OPCML: variants seen among roughly 807,000 people sequenced by gnomAD.
OPCML encodes opioid binding protein/cell adhesion molecule like.
Under a neutral mutation model 37.8 loss-of-function variants are expected in OPCML, and 13 were observed. That is an observed-to-expected ratio of 0.34 (90% CI 0.22 to 0.55). OPCML has a LOEUF of 0.55. Ranked by LOEUF, OPCML falls within the 20% of genes least tolerant of loss-of-function variation. OPCML has a pLI of 0.91. For synonymous variants in OPCML, 176 were observed against 168.8 expected (o/e 1.04, Z -0.33); for missense variants, 341 against 435.6 (o/e 0.78, Z 1.93).
chr11:133,492,251 G>T (rs191180867), intron 1 of OPCML, among the ~76,000 whole-genome samples: 1 of 152,168 alleles, frequency 6.6e-6, no homozygotes, highest in East Asian at 1.9e-4. Context: ...CCTCCCCACC[G>T]CACTGGGTCC....
intron 1 of OPCML, among the ~76,000 whole-genome samples, chr11:133,056,818 G>A (rs1948248026): frequency 6.6e-6 from 1 of 152,148 alleles, no homozygotes; most frequent in Non-Finnish European, 1.5e-5. Flanking sequence ...CTCGAGGGGA[G>A]AGACATTAGG....
At chr11:132,613,487 T>C (rs1938793467) in intron 3 of OPCML, among the ~76,000 whole-genome samples, 1 of 152,178 alleles carries the variant, frequency 6.6e-6, no homozygotes, top group South Asian at 2.1e-4. Context: ...GCATTCACCT[T>C]TAGGAGAATT....
intron 1 of OPCML, among the ~76,000 whole-genome samples, chr11:133,130,257 T>C (rs933368155): frequency 1.3e-5 from 2 of 151,348 alleles, no homozygotes; most frequent in African/African-American, 4.9e-5. Flanking sequence ...AAATGAAGCA[T>C]AGAAGAAAAT....
chr11:133,481,942 G>A (rs1279601354), intron 1 of OPCML, among the ~76,000 whole-genome samples: 1 of 152,156 alleles, frequency 6.6e-6, no homozygotes, highest in Non-Finnish European at 1.5e-5. Flanking sequence ...GAAACCTGAG[G>A]TCAGAAACCT....
intron 1 of OPCML, among the ~76,000 whole-genome samples, chr11:133,482,192 A>G (rs1348866735): frequency 6.6e-6 from 1 of 152,152 alleles, no homozygotes; most frequent in African/African-American, 2.4e-5. Flanking sequence ...ATATAGATCA[A>G]TGGTGGTGAG....
intron 4 of OPCML, among the ~76,000 whole-genome samples, chr11:132,479,823 A>G (rs2096172628): frequency 6.6e-6 from 1 of 152,290 alleles, no homozygotes; most frequent in South Asian, 2.1e-4. Flanking sequence ...TCCTGTTAGA[A>G]GGAAAACTAA....
At position 133,212,798 on chromosome 11, in the gene OPCML, C is replaced by T. The variant is rs560412702; in HGVS notation, c.62-269788G>A. On this transcript the variant is annotated intron_variant, in intron 1 of 7. Transcript: ENST00000524381. This position sits in a 1 kb window ranked among gnomAD's most constrained non-coding sequence, Gnocchi z 4.9. ...TCAGACCCCTTGGGACCCAACCTGG[C>T]CCCCTAGCTGTTGAGAGGTAAGAGT... 6.6e-6 allele frequency among the ~76,000 whole-genome samples: 1 copy of T among 152,298 alleles called. No individual in the cohort carries two copies. The highest frequency in any genetic ancestry group is 1.5e-5 in the Non-Finnish European group (1 of 68,024).
At chr11:133,226,399 C>G (rs570735178) in intron 1 of OPCML, among the ~76,000 whole-genome samples, 1 of 152,216 alleles carries the variant, frequency 6.6e-6, no homozygotes, top group Non-Finnish European at 1.5e-5. Context: ...CTTCTTTTTA[C>G]CCAGTCAAAT....
intron 4 of OPCML, among the ~76,000 whole-genome samples, chr11:132,497,058 G>A (rs920356336): frequency 2.0e-5 from 3 of 152,132 alleles, no homozygotes; most frequent in African/African-American, 7.2e-5. Flanking sequence ...ATACTATGCA[G>A]CCATAAAAAG....
chr11:133,420,125 C>T (rs1034738175), intron 1 of OPCML: 1 of 353,486 alleles, frequency 2.8e-6, no homozygotes, highest in Non-Finnish European at 4.0e-6. Flanking sequence ...GCTAGAGATC[C>T]TTTATGTCAG....
intron 6 of OPCML, 137 bp downstream of exon 6, chr11:132,436,522 A>C (rs1460299368): frequency 1.4e-6 from 2 of 1,447,492 alleles, no homozygotes; most frequent in South Asian, 3.0e-5. Flanking sequence ...GTAAAAATAG[A>C]CTTTGTTACA....
At chr11:132,734,385 A>G (rs1431884627) in intron 2 of OPCML, among the ~76,000 whole-genome samples, 2 of 152,190 alleles carry the variant, frequency 1.3e-5, no homozygotes, top group Non-Finnish European at 2.9e-5. Flanking sequence ...TATTTCTTGA[A>G]TGACTCACTC....
In OPCML at chr11:133,173,326, C is replaced by T. The variant is rs1592071919; in HGVS notation, c.62-230316G>A. Reference sequence around the variant, plus strand: ...TTAATATGTTTAATATCTGTCTCTACTTGTAGACCCCAACATTCTTGGAGT... The same window carrying T: ...TTAATATGTTTAATATCTGTCTCTATTTGTAGACCCCAACATTCTTGGAGT... On this transcript the variant is annotated intron_variant, in intron 1 of 7. Transcript: ENST00000524381. The surrounding 1 kb of genome is among the most constrained non-coding windows in gnomAD (Gnocchi z 7.8). Among the ~76,000 whole-genome samples, 1 of 152,202 alleles carries T rather than the reference C, an allele frequency of 6.6e-6. No individual in the cohort carries two copies. Among genetic ancestry groups the T allele is most frequent in the Non-Finnish European group, 1.5e-5 (1 of 68,046 alleles).
chr11:133,421,157 A>C (rs1945878064), intron 1 of OPCML: 39 of 985,314 alleles, frequency 4.0e-5, no homozygotes, highest in Non-Finnish European at 4.7e-5. Context: ...TGAATAATGA[A>C]ATTTTAGTAA....
chr11:133,443,472 A>C (rs1946405228), intron 1 of OPCML, among the ~76,000 whole-genome samples: 1 of 152,216 alleles, frequency 6.6e-6, no homozygotes, highest in Admixed American at 6.5e-5. Flanking sequence ...TGGCAGAAAT[A>C]ACTGTAGGCT....
intron 1 of OPCML, among the ~76,000 whole-genome samples, chr11:133,101,646 T>G (rs1460112214): frequency 1.3e-5 from 2 of 152,208 alleles, no homozygotes; most frequent in African/African-American, 4.8e-5. Flanking sequence ...ATGGCTATTT[T>G]GGAAGACAGT....
intron 4 of OPCML, among the ~76,000 whole-genome samples, chr11:132,486,670 T>G (rs2096200829): frequency 6.6e-6 from 1 of 152,284 alleles, no homozygotes; most frequent in South Asian, 2.1e-4. Flanking sequence ...TTTTCTTTTT[T>G]TCTTTATTCC....
chr11:133,061,642 G>A (rs569117497), intron 1 of OPCML, among the ~76,000 whole-genome samples: 7 of 152,302 alleles, frequency 4.6e-5, no homozygotes, highest in South Asian at 4.1e-4. Context: ...TACATCAAAG[G>A]ATTGAGGGCA....
intron 1 of OPCML, among the ~76,000 whole-genome samples, chr11:133,035,034 A>G (rs1273659391): frequency 6.6e-6 from 1 of 152,196 alleles, no homozygotes; most frequent in Non-Finnish European, 1.5e-5. Context: ...CTTCAACACC[A>G]GATGGATAAT....
Sources: gnomAD v4.1 joint callset for allele counts (sites outside exome capture counted in the v4.1 genomes callset) on GRCh38, gnomAD v4.1.1 for gene constraint, Gnocchi (gnomAD v3.1) non-coding constraint, MANE v1.5 for transcripts, NCBI Gene and HGNC (gene_info 2026-07-23, HGNC 2026-07-21) for gene names.